The following ANKRD31 variants were observed in gnomAD, a reference collection of about 807,000 sequenced individuals.
ANKRD31 encodes ankyrin repeat domain 31, also known as ankyrin repeat domain-containing protein 31.
Under a neutral mutation model 186.0 loss-of-function variants are expected in ANKRD31, and 147 were observed. The ratio of observed to expected loss-of-function variants is 0.79; its 90% CI spans 0.69 to 0.91. The LOEUF is 0.91. ANKRD31 is among the 40% of genes least tolerant of loss of function. ANKRD31 has a pLI of 0.00. For missense variants in ANKRD31, 1,986 were observed against 2,148.8 expected (o/e 0.92, Z 1.50); for synonymous variants, 673 against 736.4 (o/e 0.91, Z 1.39).
intron 21 of ANKRD31, among the ~76,000 whole-genome samples, chr5:75,106,731 TA>T (rs1205346659): frequency 6.6e-6 from 1 of 152,026 alleles, no homozygotes; most frequent in Non-Finnish European, 1.5e-5. Flanking sequence ...ATATGTAGGT[TA>T]TATAAGCTCA....
chr5:75,077,084 A>G (rs1214589460), intron 25 of ANKRD31, among the ~76,000 whole-genome samples: 1 of 152,152 alleles, frequency 6.6e-6, no homozygotes, highest in Admixed American at 6.6e-5. Flanking sequence ...TTTAAAACCA[A>G]ATTAATAATT....
intron 24 of ANKRD31, among the ~76,000 whole-genome samples, chr5:75,082,967 G>C (rs919166157): frequency 6.6e-6 from 1 of 152,174 alleles, no homozygotes; most frequent in African/African-American, 2.4e-5. Context: ...TTCCTACATA[G>C]AATTACTATG....
intron 1 of ANKRD31, among the ~76,000 whole-genome samples, chr5:75,236,350 G>A (rs564836872): frequency 6.6e-6 from 1 of 152,318 alleles, no homozygotes; most frequent in East Asian, 1.9e-4. Flanking sequence ...ATGCTATAAA[G>A]CCACCTAGTA....
At chr5:75,191,116 T>C (rs1419902841) in intron 9 of ANKRD31, among the ~76,000 whole-genome samples, 1 of 152,164 alleles carries the variant, frequency 6.6e-6, no homozygotes, top group Non-Finnish European at 1.5e-5. Context: ...TACAGAAAGA[T>C]TCACTTACGC....
chr5:75,149,368 T>C (rs1187081907), intron 12 of ANKRD31, among the ~76,000 whole-genome samples: 1 of 151,868 alleles, frequency 6.6e-6, no homozygotes, highest in African/African-American at 2.4e-5. Flanking sequence ...AAATATAAGC[T>C]AGAAATGTAA....
intron 11 of ANKRD31, among the ~76,000 whole-genome samples, chr5:75,159,935 A>T (rs1752460030): frequency 1.3e-5 from 2 of 152,112 alleles, no homozygotes; most frequent in South Asian, 4.1e-4. Context: ...AATATACTTG[A>T]TAATAATACC....
intron 22 of ANKRD31, among the ~76,000 whole-genome samples, chr5:75,103,728 C>T (rs957220624): frequency 1.3e-5 from 2 of 152,286 alleles, no homozygotes; most frequent in Middle Eastern, 6.8e-3. Context: ...AAGCCATTAT[C>T]TTCAGCAAAC....
At chr5:75,198,933 C>A (rs895163026) in intron 6 of ANKRD31, among the ~76,000 whole-genome samples, 3 of 152,172 alleles carry the variant, frequency 2.0e-5, no homozygotes, top group Non-Finnish European at 4.4e-5. Flanking sequence ...CATCTTCTGG[C>A]TCCTGATTTG....
chr5:75,165,550 C>T (rs1019975806), intron 11 of ANKRD31, among the ~76,000 whole-genome samples: 8 of 151,748 alleles, frequency 5.3e-5, no homozygotes, highest in African/African-American at 1.9e-4. Context: ...ATTTTTTTTC[C>T]TTCTAAAAGG....
Position 75,147,455 on chromosome 5 carries a change from AT to A in ANKRD31, c.1955del (p.Asn652IlefsTer10). 1 of 1,490,404 alleles carries A rather than the reference AT, an allele frequency of 6.7e-7. No individual in the cohort carries two copies. 92.3% of individuals were successfully genotyped at this position (1,490,404 alleles called of 1,614,324 possible). On this transcript the variant is annotated frameshift_variant, in exon 14 of 26. Coordinates refer to ENST00000506364, the MANE Select transcript of ANKRD31 (RefSeq NM_001372053.1). LOFTEE classifies it high-confidence loss of function. ...CATGTTCCAGCTTCTGTCTGTTGGAATTTTCATTATAAACATGCCAAATGTG... is the reference window on the plus strand; with the variant it reads ...CATGTTCCAGCTTCTGTCTGTTGGAATTTCATTATAAACATGCCAAATGTG... ...KSHIWHVYNENSNRQKLEHVK... is the reference protein window; with the variant it reads ...KSHIWHVYNEXSNRQKLEHVK...
At chr5:75,164,019 G>C (rs956118133) in intron 11 of ANKRD31, among the ~76,000 whole-genome samples, 1 of 152,210 alleles carries the variant, frequency 6.6e-6, no homozygotes, top group Non-Finnish European at 1.5e-5. Context: ...TGGCAGAAAT[G>C]ACAGTATGTG....
At chr5:75,093,523 T>C (rs1746098760) in intron 22 of ANKRD31, among the ~76,000 whole-genome samples, 1 of 151,510 alleles carries the variant, frequency 6.6e-6, no homozygotes, top group Non-Finnish European at 1.5e-5. Flanking sequence ...CCAAACTTAC[T>C]GAAAAGCATT....
intron 2 of ANKRD31, among the ~76,000 whole-genome samples, chr5:75,227,168 C>T (rs960402441): frequency 6.6e-6 from 1 of 152,068 alleles, no homozygotes; most frequent in African/African-American, 2.4e-5. Flanking sequence ...TGAAATAAGC[C>T]AGGAACAAAA....
rs1744706159 is a variant in ANKRD31, at chr5:75,077,089, AT to A, written c.5647+3478del. On this transcript the variant is annotated intron_variant, in intron 25 of 25. Coordinates refer to ENST00000506364, the MANE Select transcript of ANKRD31 (RefSeq NM_001372053.1). ...TAATTTGCTATTTAAAACCAAATTA[AT>A]AATTTTTTGTTGTTTTTACCCAGGC... is the stretch of plus-strand genomic sequence containing the variant. Among the ~76,000 whole-genome samples the A allele has an allele frequency of 2.6e-5, 4 of 152,284 alleles. No homozygotes were observed. The South Asian group carries it at 8.3e-4, about 32-fold the overall frequency.
intron 22 of ANKRD31, among the ~76,000 whole-genome samples, chr5:75,100,956 T>C (rs1746812879): frequency 6.6e-6 from 1 of 152,176 alleles, no homozygotes; most frequent in Admixed American, 6.5e-5. Flanking sequence ...ATGAATTTGA[T>C]CCTGTTATTA....
rs1400767540 is a variant in ANKRD31 at position 75,147,256 on chromosome 5, C to T, written c.2155G>A (p.Asp719Asn). Residue 719 changes from aspartate to asparagine, a missense_variant, in exon 14 of 26, where the codon GAT becomes AAT. By Grantham distance (23) the Asp-to-Asn change is conservative. Transcript: ENST00000506364. ...LRKGNLHNVK[D>N]PNTNVPKGIG... ...CCTTTTGGTACGTTTGTGTTGGGAT[C>T]TTTGACGTTATGGAGATTGCCCTTT... is the stretch of plus-strand genomic sequence containing the variant. 1.3e-6 allele frequency: 2 copies of T among 1,536,026 alleles called. No individual in the cohort carries two copies. Among genetic ancestry groups the T allele is most frequent in the East Asian group, 4.9e-5 (2 of 40,864 alleles).
chr5:75,200,911 C>CAA (rs10664301), intron 5 of ANKRD31, among the ~76,000 whole-genome samples: 21,875 of 131,468 alleles, frequency 0.17, 1,877 homozygotes, highest in African/African-American at 0.24. Context: ...GACTTCGCCT[C>CAA]AAAAAAAAAA....
At chr5:75,180,700 G>A (rs1353353426) in intron 10 of ANKRD31, among the ~76,000 whole-genome samples, 1 of 152,122 alleles carries the variant, frequency 6.6e-6, no homozygotes, top group Non-Finnish European at 1.5e-5. Flanking sequence ...GCTGAAACTG[G>A]ATCCCTTCCT....
Position 75,188,498 on chromosome 5 carries a change from TA to T in ANKRD31, c.1558del (p.Tyr520MetfsTer12). On this transcript the variant is annotated frameshift_variant, in exon 10 of 26. Transcript: ENST00000506364. LOFTEE classifies it high-confidence loss of function. ...KKGGNVNQPS[Y>X]AGWTALHEAS... ...GGGTGGTAATCCTAACTTACCAGCA[TA>T]ACTTGGCTGATTAACATTTCCACCT... 6.5e-7 allele frequency: 1 copy of T among 1,534,974 alleles called. No homozygotes were observed. The highest frequency in any genetic ancestry group is 1.2e-5 in the South Asian group (1 of 83,374).
Sources: gnomAD v4.1 joint callset for allele counts (sites outside exome capture counted in the v4.1 genomes callset) on GRCh38, gnomAD v4.1.1 for gene constraint, MANE v1.5 for transcripts, NCBI Gene and HGNC (gene_info 2026-07-23, HGNC 2026-07-21) for gene names.